The following KRTAP4-1 variants were observed in gnomAD, a reference collection of about 807,000 sequenced individuals.
The protein encoded by KRTAP4-1 is keratin-associated protein 4-1.
For missense variants in KRTAP4-1, 155 were observed against 181.3 expected, an observed-to-expected ratio of 0.85 and a Z score of 0.83; for synonymous variants, 52 against 58.3, an observed-to-expected ratio of 0.89 and a Z score of 0.50.
chr17:41,184,736 A>C lies in KRTAP4-1; in HGVS notation c.119T>G (p.Val40Gly), dbSNP rs748002876. The change falls in exon 1 of 1, where the codon GTT becomes GGT. Residue 40 changes from valine to glycine, a missense_variant. By Grantham distance (109) the Val-to-Gly change is moderately radical. Transcript: ENST00000398472. ...GGATGGGCGGCAGCAGCTGGATACA[A>C]CACAGCTGGGGCAGCAACAGGTGGT... ...CQTTCCCPSC[V>G]VSSCCRPSCS... is the part of the protein sequence containing the mutation. 1 of 1,611,866 alleles carries C rather than the reference A, an allele frequency of 6.2e-7. No homozygotes were observed. The highest frequency in any genetic ancestry group is 8.5e-7 in the Non-Finnish European group (1 of 1,179,376).
Position 41,184,359 on chromosome 17 carries a change from C to T in KRTAP4-1, c.*55G>A, listed in dbSNP as rs2015245540. ...CACATGGACAAGTTGATATAAATGA[C>T]ACTTTCATATCATGGGATGGTGACT... On this transcript the variant is annotated 3_prime_UTR_variant, in exon 1 of 1. Transcript: ENST00000398472. 22 of 1,532,986 alleles carry T rather than the reference C, an allele frequency of 1.4e-5. No individual in the cohort carries two copies. The highest frequency in any genetic ancestry group is 1.9e-5 in the Non-Finnish European group (22 of 1,138,070). 95.0% of individuals were successfully genotyped at this position (1,532,986 alleles called of 1,614,324 possible).
the KRTAP4-1 span, chr17:41,184,543 ACGGCAGCAGC>A: frequency 1.4e-5 from 21 of 1,545,948 alleles, no homozygotes; most frequent in Admixed American, 1.9e-4. Flanking sequence ...AACAGAGTGG[ACGGCAGCAGC>A]TGGACATACC....
Position 41,184,737 on chromosome 17 carries a change from C to T in KRTAP4-1, c.118G>A (p.Val40Ile), listed in dbSNP as rs777703211. 39 of 1,612,654 alleles carry T rather than the reference C, an allele frequency of 2.4e-5. No homozygotes were observed. In the Middle Eastern group the frequency reaches 1.2e-3, roughly 48 times the overall value. Residue 40 changes from valine to isoleucine, a missense_variant, in exon 1 of 1, where the codon GTT becomes ATT. Val to Ile is a conservative substitution (Grantham distance 29). Transcript: ENST00000398472. ...GATGGGCGGCAGCAGCTGGATACAA[C>T]ACAGCTGGGGCAGCAACAGGTGGTC... ...CQTTCCCPSC[V>I]VSSCCRPSCS... is the part of the protein sequence containing the mutation.
Position 41,184,640 on chromosome 17 carries a change from G to A in KRTAP4-1, c.215C>T (p.Thr72Ile), listed in dbSNP as rs747916393. The change falls in exon 1 of 1, where the codon ACC becomes ATC. Residue 72 changes from threonine (T) to isoleucine (I), a missense_variant. Thr to Ile is a moderately conservative substitution (Grantham distance 89). Coordinates refer to ENST00000398472, the MANE Select transcript of KRTAP4-1 (RefSeq NM_001386841.1). ...CACACCACAGCTGGGGCGGCAGGTGGTCTGACAACAGACTGGGTGGCAGCA... is the reference window on the plus strand; with the variant it reads ...CACACCACAGCTGGGGCGGCAGGTGATCTGACAACAGACTGGGTGGCAGCA... The part of the protein sequence containing the change: ...PSCCHPVCCQ[T>I]TCRPSCGVSS... The A allele has an allele frequency of 5.0e-6, 8 of 1,599,750 alleles. No homozygotes were observed. The Admixed American group carries it at 6.8e-5, about 14-fold the overall frequency.
Position 41,184,202 on chromosome 17 carries a change from A to C in KRTAP4-1, c.*212T>G. 1.4e-6 allele frequency: 1 copy of C among 738,110 alleles called. No homozygotes were observed. Among genetic ancestry groups the C allele is most frequent in the Non-Finnish European group, 2.0e-6 (1 of 493,394 alleles). 45.7% of individuals were successfully genotyped at this position (738,110 alleles called of 1,614,324 possible). A position where few individuals can be genotyped will look rare whatever the true frequency, so the allele number is the denominator to read the frequency against. ...AAACTTAGAGGCTTAGTCTAACTGC[A>C]TCATGCATCTGAGGTCTGAATGCTG... is the stretch of plus-strand genomic sequence containing the variant. On this transcript the variant is annotated 3_prime_UTR_variant, in exon 1 of 1. Coordinates refer to ENST00000398472, the MANE Select transcript of KRTAP4-1 (RefSeq NM_001386841.1).
In KRTAP4-1 at chr17:41,184,186, G is replaced by T; in HGVS notation, c.*228C>A. The T allele has an allele frequency of 1.5e-6, 1 of 663,916 alleles. No individual in the cohort carries two copies. The highest frequency in any genetic ancestry group is 2.4e-6 in the Non-Finnish European group (1 of 416,098). 41.1% of individuals were successfully genotyped at this position (663,916 alleles called of 1,614,324 possible). A position where few individuals can be genotyped will look rare whatever the true frequency, so the allele number is the denominator to read the frequency against. On this transcript the variant is annotated 3_prime_UTR_variant, in exon 1 of 1. Coordinates refer to ENST00000398472, the MANE Select transcript of KRTAP4-1 (RefSeq NM_001386841.1). ...CAAGCATAACAGTCAGAAACTTAGA[G>T]GCTTAGTCTAACTGCATCATGCATC...
In KRTAP4-1 at chr17:41,184,376, A is replaced by G; in HGVS notation, c.*38T>C. 6.5e-7 allele frequency: 1 copy of G among 1,549,858 alleles called. No individual in the cohort carries two copies. The highest frequency in any genetic ancestry group is 8.7e-7 in the Non-Finnish European group (1 of 1,144,272). ...ATAAATGACACTTTCATATCATGGG[A>G]TGGTGACTGGCTCATGGTTGATAGT... On this transcript the variant is annotated 3_prime_UTR_variant, in exon 1 of 1. Coordinates refer to ENST00000398472, the MANE Select transcript of KRTAP4-1 (RefSeq NM_001386841.1).
rs2015260285 is a variant in KRTAP4-1, at chr17:41,184,874, T to C, written c.-20A>G. 6.2e-7 allele frequency: 1 copy of C among 1,613,326 alleles called. No homozygotes were observed. Among genetic ancestry groups the C allele is most frequent in the Non-Finnish European group, 8.5e-7 (1 of 1,179,660 alleles). The stretch of plus-strand genomic sequence containing the variant: ...AACCATGGTGTCAGAGGGTGGAGGT[T>C]CTAGGTAGGTTTCCAAGACAGTGAG... On this transcript the variant is annotated 5_prime_UTR_variant, in exon 1 of 1. Transcript: ENST00000398472.
rs946810260 is a variant in KRTAP4-1, at chr17:41,184,129, G to A, written c.*285C>T. The A allele has an allele frequency of 2.5e-6, 1 of 399,370 alleles. No individual in the cohort carries two copies. Among genetic ancestry groups the A allele is most frequent in the Non-Finnish European group, 4.4e-6 (1 of 227,046 alleles). 24.7% of individuals were successfully genotyped at this position (399,370 alleles called of 1,614,324 possible). A position where few individuals can be genotyped will look rare whatever the true frequency, so the allele number is the denominator to read the frequency against. On this transcript the variant is annotated 3_prime_UTR_variant, in exon 1 of 1. Coordinates refer to ENST00000398472, the MANE Select transcript of KRTAP4-1 (RefSeq NM_001386841.1). Reference sequence around the variant, plus strand: ...TGATATTAAGATAATATTTATTGAAGAACAGTTAATATGTAATTTTGAAGG... The same window carrying A: ...TGATATTAAGATAATATTTATTGAAAAACAGTTAATATGTAATTTTGAAGG...
At position 41,184,131 on chromosome 17, in the gene KRTAP4-1, A is replaced by G. The variant is rs1568021899; in HGVS notation, c.*283T>C. The G allele has an allele frequency of 2.5e-6, 1 of 406,366 alleles. No homozygotes were observed. Among genetic ancestry groups the G allele is most frequent in the Non-Finnish European group, 4.3e-6 (1 of 231,390 alleles). 25.2% of individuals were successfully genotyped at this position (406,366 alleles called of 1,614,324 possible). A position where few individuals can be genotyped will look rare whatever the true frequency, so the allele number is the denominator to read the frequency against. The stretch of plus-strand genomic sequence containing the variant: ...ATATTAAGATAATATTTATTGAAGA[A>G]CAGTTAATATGTAATTTTGAAGGTC... On this transcript the variant is annotated 3_prime_UTR_variant, in exon 1 of 1. Transcript: ENST00000398472.
Position 41,184,423 on chromosome 17 carries a change from G to C in KRTAP4-1, c.432C>G (p.Ser144=). Residue 144 remains serine, a synonymous_variant, in exon 1 of 1, where the codon TCC becomes TCG. Coordinates refer to ENST00000398472, the MANE Select transcript of KRTAP4-1 (RefSeq NM_001386841.1). ...TAGTCCAATATGAGGTTCAACAAGAGGATCCACAGCAGCTGGGGCGGCAGC... is the reference window on the plus strand; with the variant it reads ...TAGTCCAATATGAGGTTCAACAAGACGATCCACAGCAGCTGGGGCGGCAGC... The part of the protein sequence containing the change: ...ATCCRPSCCG[S]SC 1 of 1,595,242 alleles carries C rather than the reference G, an allele frequency of 6.3e-7. No individual in the cohort carries two copies. The highest frequency in any genetic ancestry group is 8.6e-7 in the Non-Finnish European group (1 of 1,168,114).
Position 41,184,881 on chromosome 17 carries a change from A to G in KRTAP4-1, c.-27T>C. 2 of 1,612,874 alleles carry G rather than the reference A, an allele frequency of 1.2e-6. No homozygotes were observed. The highest frequency in any genetic ancestry group is 1.7e-6 in the Non-Finnish European group (2 of 1,179,348). On this transcript the variant is annotated 5_prime_UTR_variant, in exon 1 of 1. Transcript: ENST00000398472. ...GTGTCAGAGGGTGGAGGTTCTAGGTAGGTTTCCAAGACAGTGAGTTTTTCG... is the reference window on the plus strand; with the variant it reads ...GTGTCAGAGGGTGGAGGTTCTAGGTGGGTTTCCAAGACAGTGAGTTTTTCG...
At chr17:41,184,559 ATACCACAG>A in the KRTAP4-1 span, 1 of 863,516 alleles carries the variant, frequency 1.2e-6, no homozygotes, top group South Asian at 3.4e-5. Context: ...GCAGCTGGAC[ATACCACAG>A]CTGGGGTGGC....
rs1345754311 is a variant in KRTAP4-1 at position 41,184,240 on chromosome 17, C to T, written c.*174G>A. 1 of 1,135,936 alleles carries T rather than the reference C, an allele frequency of 8.8e-7. No individual in the cohort carries two copies. The highest frequency in any genetic ancestry group is 1.2e-6 in the Non-Finnish European group (1 of 809,502). 70.4% of individuals were successfully genotyped at this position (1,135,936 alleles called of 1,614,324 possible). A position where few individuals can be genotyped will look rare whatever the true frequency, so the allele number is the denominator to read the frequency against. Reference sequence around the variant, plus strand: ...GGTCTGAATGCTGCTGGGAAGAGATCCATGGGAAAAATGAGTGGTATTAAA... The same window carrying T: ...GGTCTGAATGCTGCTGGGAAGAGATTCATGGGAAAAATGAGTGGTATTAAA... On this transcript the variant is annotated 3_prime_UTR_variant, in exon 1 of 1. Coordinates refer to ENST00000398472, the MANE Select transcript of KRTAP4-1 (RefSeq NM_001386841.1).
In KRTAP4-1 at chr17:41,184,662, A is replaced by C; in HGVS notation, c.193T>G (p.Cys65Gly). 6.2e-7 allele frequency: 1 copy of C among 1,611,546 alleles called. No individual in the cohort carries two copies. Among genetic ancestry groups the C allele is most frequent in the Non-Finnish European group, 8.5e-7 (1 of 1,178,366 alleles). Residue 65 changes from cysteine to glycine, a missense_variant, in exon 1 of 1, where the codon TGC (cysteine) becomes GGC (glycine). Coordinates refer to ENST00000398472, the MANE Select transcript of KRTAP4-1 (RefSeq NM_001386841.1). ...GTGGTCTGACAACAGACTGGGTGGCAGCAGCTGGGGCGACAGCAAGTGGTC... is the reference window on the plus strand; with the variant it reads ...GTGGTCTGACAACAGACTGGGTGGCCGCAGCTGGGGCGACAGCAAGTGGTC... ...CQTTCCRPSC[C>G]HPVCCQTTCR...
Position 41,184,255 on chromosome 17 carries a change from G to T in KRTAP4-1, c.*159C>A. Reference sequence around the variant, plus strand: ...GGGAAGAGATCCATGGGAAAAATGAGTGGTATTAAATGTAGATGGATGCCC... The same window carrying T: ...GGGAAGAGATCCATGGGAAAAATGATTGGTATTAAATGTAGATGGATGCCC... On this transcript the variant is annotated 3_prime_UTR_variant, in exon 1 of 1. Coordinates refer to ENST00000398472, the MANE Select transcript of KRTAP4-1 (RefSeq NM_001386841.1). The T allele has an allele frequency of 8.0e-7, 1 of 1,256,620 alleles. No homozygotes were observed. The highest frequency in any genetic ancestry group is 1.1e-6 in the Non-Finnish European group (1 of 910,048). 77.8% of individuals were successfully genotyped at this position (1,256,620 alleles called of 1,614,324 possible).
Position 41,184,508 on chromosome 17 carries a change from C to G in KRTAP4-1, c.347G>C (p.Cys116Ser). Residue 116 changes from cysteine to serine, a missense_variant, in exon 1 of 1, where the codon TGT becomes TCT. Cys to Ser is a moderately radical substitution (Grantham distance 112). Transcript: ENST00000398472. Reference sequence around the variant, plus strand: ...TGGACGGCAGCAGCTGGACACACCACAGCTGGGGCGGCAGGTGGTCTGACA... The same window carrying G: ...TGGACGGCAGCAGCTGGACACACCAGAGCTGGGGCGGCAGGTGGTCTGACA... ...LCCQTTCRPS[C>S]GVSSCCRPLC... 1.2e-6 allele frequency: 2 copies of G among 1,607,326 alleles called. No individual in the cohort carries two copies. The highest frequency in any genetic ancestry group is 1.7e-4 in the Middle Eastern group (1 of 6,008).
In KRTAP4-1 at chr17:41,184,343, A is replaced by T; in HGVS notation, c.*71T>A. 2 of 1,527,044 alleles carry T rather than the reference A, an allele frequency of 1.3e-6. No homozygotes were observed. Among genetic ancestry groups the T allele is most frequent in the Admixed American group, 2.1e-5 (1 of 47,876 alleles). The allele number at this position is 1,527,044 out of a possible 1,614,324, so 94.6% of individuals were successfully genotyped here. ...GCTGATGGCCATTTAACACATGGAC[A>T]AGTTGATATAAATGACACTTTCATA... On this transcript the variant is annotated 3_prime_UTR_variant, in exon 1 of 1. Transcript: ENST00000398472.
At chr17:41,184,848 TA>T in the KRTAP4-1 span, 1 of 1,613,774 alleles carries the variant, frequency 6.2e-7, no homozygotes, top group East Asian at 2.2e-5. Context: ...CAACAAGAGT[TA>T]ACCATGGTGT....
Sources: allele counts gnomAD v4.1 joint callset, GRCh38; gene constraint gnomAD v4.1.1; transcripts MANE v1.5; gene names NCBI Gene and HGNC (gene_info 2026-07-23, HGNC 2026-07-21).